Variants in PNOC observed in about 807,000 individuals in gnomAD.
PNOC encodes the protein prepronociceptin.
A neutral mutation model predicts 15.6 loss-of-function variants in PNOC; 10 were observed. That is an observed-to-expected ratio of 0.64 (90% confidence interval 0.40 to 1.09). PNOC has a LOEUF of 1.09. Ranked by LOEUF, PNOC falls within the 50% of genes least tolerant of loss-of-function variation. PNOC has a pLI of 0.01. For synonymous variants in PNOC, 98 were observed against 88.5 expected (o/e 1.11, Z -0.60); for missense variants, 220 against 223.9 (o/e 0.98, Z 0.11).
At chr8:28,330,400 T>TATTTTTTTTTTTTTTTTAA (rs1431540071) in intron 2 of PNOC, among the ~76,000 whole-genome samples, 8 of 102,246 alleles carry the variant, frequency 7.8e-5, no homozygotes, top group East Asian at 2.4e-4. Context: ...TATTTTATTT[T>TATTTTTTTTTTTTTTTTAA]TTTTTTTTTT....
At chr8:28,342,331 G>A (rs1378852072) in intron 3 of PNOC, among the ~76,000 whole-genome samples, 2 of 142,244 alleles carry the variant, frequency 1.4e-5, no homozygotes, top group Non-Finnish European at 3.0e-5. Flanking sequence ...TCCAGCCTGG[G>A]CAACAAGAAA....
At chr8:28,326,737 G>A (rs545995419) in intron 1 of PNOC, among the ~76,000 whole-genome samples, 1 of 152,300 alleles carries the variant, frequency 6.6e-6, no homozygotes, top group East Asian at 1.9e-4. Context: ...GCATGTGCCT[G>A]TAATCCCAGC....
At position 28,343,042 on chromosome 8, in the gene PNOC, C is replaced by A. The variant is rs558021172; in HGVS notation, c.*148C>A. On this transcript the variant is annotated 3_prime_UTR_variant, in exon 4 of 4. Transcript: ENST00000301908. The stretch of plus-strand genomic sequence containing the variant: ...CAAGGCACTGAGCGCCTGCAGATCC[C>A]GCAGGCTTCGTTTGCCTCCAGAACC... 4 of 977,694 alleles carry A rather than the reference C, an allele frequency of 4.1e-6. No homozygotes were observed. Among genetic ancestry groups the A allele is most frequent in the Non-Finnish European group, 4.9e-6 (4 of 822,868 alleles). The allele number at this position is 977,694 out of a possible 1,614,324, so 60.6% of individuals were successfully genotyped here.
At chr8:28,333,973 G>A (rs1368708913) in intron 2 of PNOC, among the ~76,000 whole-genome samples, 1 of 152,008 alleles carries the variant, frequency 6.6e-6, no homozygotes, top group Non-Finnish European at 1.5e-5. Flanking sequence ...ACTTTTGACT[G>A]GGGAATTATT....
At chr8:28,342,276 C>G (rs955831709) in intron 3 of PNOC, among the ~76,000 whole-genome samples, 1 of 149,376 alleles carries the variant, frequency 6.7e-6, no homozygotes, top group East Asian at 2.0e-4. Context: ...TCGCTTGAAC[C>G]CAGGAGGCGG....
chr8:28,321,101 C>A (rs1801144732), intron 1 of PNOC, among the ~76,000 whole-genome samples: 1 of 151,770 alleles, frequency 6.6e-6, no homozygotes, highest in African/African-American at 2.4e-5. Flanking sequence ...TGCAGTGGCA[C>A]AATCATAGCT....
intron 2 of PNOC, among the ~76,000 whole-genome samples, chr8:28,336,325 A>G (rs1375439449): frequency 6.6e-6 from 1 of 152,210 alleles, no homozygotes; most frequent in Non-Finnish European, 1.5e-5. Context: ...TAAAATTTCC[A>G]CAAGAGGAAT....
At chr8:28,323,975 G>C (rs770784440) in intron 1 of PNOC, among the ~76,000 whole-genome samples, 2 of 152,228 alleles carry the variant, frequency 1.3e-5, no homozygotes, top group Non-Finnish European at 2.9e-5. Flanking sequence ...GGGGGGAATG[G>C]ATAGCATTGA....
At chr8:28,336,935 C>T (rs1801420888) in intron 2 of PNOC, among the ~76,000 whole-genome samples, 1 of 151,886 alleles carries the variant, frequency 6.6e-6, no homozygotes, top group Middle Eastern at 3.2e-3. Context: ...AGGTGCCACT[C>T]AGAGACAGGG....
chr8:28,342,552 A>C (rs1007989834), intron 3 of PNOC, among the ~76,000 whole-genome samples: 1 of 152,144 alleles, frequency 6.6e-6, no homozygotes, highest in Non-Finnish European at 1.5e-5. Flanking sequence ...TAGGCAATGG[A>C]AACTGAGCAC....
At chr8:28,342,389 G>T in intron 3 of PNOC, among the ~76,000 whole-genome samples, 1 of 147,358 alleles carries the variant, frequency 6.8e-6, no homozygotes, top group Admixed American at 6.8e-5. Context: ...ACACTATTCA[G>T]AAAGTGTAAT....
chr8:28,329,612 C>A (rs1447251682), intron 2 of PNOC, among the ~76,000 whole-genome samples: 1 of 152,192 alleles, frequency 6.6e-6, no homozygotes, highest in Non-Finnish European at 1.5e-5. Flanking sequence ...TCCTTAATTA[C>A]ACCAGTCAGA....
At chr8:28,335,237 C>T (rs1277700784) in intron 2 of PNOC, among the ~76,000 whole-genome samples, 1 of 152,188 alleles carries the variant, frequency 6.6e-6, no homozygotes, top group Admixed American at 6.5e-5. Flanking sequence ...GCATTAATTG[C>T]CACCAATTCA....
intron 3 of PNOC, among the ~76,000 whole-genome samples, chr8:28,341,085 T>C (rs978429618): frequency 6.6e-6 from 1 of 152,332 alleles, no homozygotes; most frequent in Admixed American, 6.5e-5. Flanking sequence ...TGTCTGCATG[T>C]GCTATTTTAA....
At chr8:28,342,552 A>T (rs1007989834) in intron 3 of PNOC, among the ~76,000 whole-genome samples, 1 of 152,144 alleles carries the variant, frequency 6.6e-6, no homozygotes. Flanking sequence ...TAGGCAATGG[A>T]AACTGAGCAC....
intron 3 of PNOC, among the ~76,000 whole-genome samples, chr8:28,342,170 AC>A (rs955139511): frequency 7.9e-5 from 12 of 151,338 alleles, no homozygotes; most frequent in African/African-American, 2.7e-4. Context: ...CATGGTGAAA[AC>A]CCGTCTCTAC....
intron 1 of PNOC, among the ~76,000 whole-genome samples, chr8:28,317,911 C>A (rs537839043): frequency 8.5e-5 from 13 of 152,154 alleles, no homozygotes; most frequent in African/African-American, 3.1e-4. Flanking sequence ...GGGGAGTGTG[C>A]TTCACCTGTA....
chr8:28,342,154 G>A (rs1024411153), intron 3 of PNOC, among the ~76,000 whole-genome samples: 1 of 152,040 alleles, frequency 6.6e-6, no homozygotes, highest in Non-Finnish European at 1.5e-5. Context: ...AGACCAGCCT[G>A]GCCAACATGG....
chr8:28,331,997 T>C (rs1801336811), intron 2 of PNOC, among the ~76,000 whole-genome samples: 1 of 152,216 alleles, frequency 6.6e-6, no homozygotes, highest in Non-Finnish European at 1.5e-5. Flanking sequence ...TACATTTCCA[T>C]CTTTCAGAGA....
Sources: allele counts gnomAD v4.1 joint callset (sites outside exome capture counted in the v4.1 genomes callset), GRCh38; gene constraint gnomAD v4.1.1; transcripts MANE v1.5; gene names NCBI Gene and HGNC (gene_info 2026-07-23, HGNC 2026-07-21).